Variants in PLS3 observed in about 807,000 individuals in gnomAD.
PLS3 encodes the protein plastin-3.
Under a neutral mutation model 46.5 loss-of-function variants are expected in PLS3, and 11 were observed. The observed-to-expected ratio is 0.24, with a 90% CI of 0.15 to 0.39. PLS3 has a LOEUF of 0.39. PLS3 is among the 10% of genes least tolerant of loss of function. The probability of loss-of-function intolerance (pLI) is 1.00; values close to 1 mark genes in which losing one functional copy is unlikely to be tolerated. For synonymous variants in PLS3, 167 were observed against 162.2 expected (o/e 1.03, Z -0.22); for missense variants, 308 against 461.8 (o/e 0.67, Z 3.05).
intron 9 of PLS3, among the ~76,000 whole-genome samples, chrX:115,641,368 C>T (rs1449459608): frequency 9.3e-6 from 1 of 107,504 alleles, no homozygotes; most frequent in Non-Finnish European, 1.9e-5. Flanking sequence ...GCTGCGATTA[C>T]AGGCGCCCAC....
At chrX:115,644,969 A>G in intron 10 of PLS3, 52 bp from the exon 11 acceptor site, 1 of 737,350 alleles carries the variant, frequency 1.4e-6, no homozygotes, top group Non-Finnish European at 2.1e-6. Context: ...CACTATATGC[A>G]CATACATAAA....
At chrX:115,601,988 G>A (rs781891538) in intron 1 of PLS3, among the ~76,000 whole-genome samples, 1 of 111,895 alleles carries the variant, frequency 8.9e-6, no homozygotes, top group African/African-American at 3.2e-5. Flanking sequence ...GCTGCTGCGA[G>A]TGTGTCTGTC....
intron 3 of PLS3, among the ~76,000 whole-genome samples, chrX:115,625,094 A>T: frequency 8.9e-6 from 1 of 111,918 alleles, no homozygotes; most frequent in Non-Finnish European, 1.9e-5. Context: ...TCAGTGAAAC[A>T]TCTTACAAAT....
intron 2 of PLS3, among the ~76,000 whole-genome samples, chrX:115,611,311 A>T (rs1405993640): frequency 8.9e-6 from 1 of 112,947 alleles, no homozygotes; most frequent in Non-Finnish European, 1.9e-5. Flanking sequence ...ACTAGAAAAA[A>T]CTGAATATTC....
chrX:115,610,821 G>A (rs1245022674), intron 2 of PLS3: 1 of 1,053,784 alleles, frequency 9.5e-7, no homozygotes, highest in Non-Finnish European at 1.2e-6. Context: ...ACCTCGCCAC[G>A]TTAAATTATA....
chrX:115,571,038 G>A (rs782702896), intron 1 of PLS3, among the ~76,000 whole-genome samples: 1 of 109,228 alleles, frequency 9.2e-6, no homozygotes, highest in South Asian at 4.1e-4. Context: ...GGGACTACAG[G>A]TGCCCACCAC....
At chrX:115,599,243 G>A (rs2074416973) in intron 1 of PLS3, among the ~76,000 whole-genome samples, 1 of 104,667 alleles carries the variant, frequency 9.6e-6, no homozygotes, top group Admixed American at 1.1e-4. Flanking sequence ...GCTCAAGCCT[G>A]TAATCCCAGC....
chrX:115,561,281 G>T (rs1407460175), intron 1 of PLS3, 21 bp downstream of exon 1: 1 of 111,691 alleles, frequency 9.0e-6, no homozygotes. Flanking sequence ...TGTAGGCGCC[G>T]GCGGGCACTA....
intron 1 of PLS3, among the ~76,000 whole-genome samples, chrX:115,589,063 G>A (rs1556632769): frequency 9.0e-6 from 1 of 111,225 alleles, no homozygotes; most frequent in Admixed American, 9.6e-5. Flanking sequence ...CACCTCCTGG[G>A]CTCAAGCTAT....
At chrX:115,623,935 A>T (rs1226661299) in intron 3 of PLS3, among the ~76,000 whole-genome samples, 1 of 112,440 alleles carries the variant, frequency 8.9e-6, no homozygotes, top group Non-Finnish European at 1.9e-5. Context: ...TGTTTTTAAA[A>T]TGCACACTTG....
At position 115,601,400 on chromosome X, in the gene PLS3, A is replaced by G. The variant is rs966071364; in HGVS notation, c.-8-8843A>G. 4.6e-5 allele frequency among the ~76,000 whole-genome samples: 5 copies of G among 107,928 alleles called. No homozygotes were observed. The Admixed American group carries it at 5.0e-4, about 11-fold the overall frequency. The allele number at this position is 107,928 out of a possible 115,157, so 93.7% of individuals were successfully genotyped here. On this transcript the variant is annotated intron_variant, in intron 1 of 15. Coordinates refer to ENST00000355899, the MANE Select transcript of PLS3 (RefSeq NM_005032.7). ...TATAAGATCCGCTCTTCAGGAGATT[A>G]TCAGGAGATTAGCAGTGTAAAGATT...
chrX:115,630,861 T>TATGTA (rs1569528508), intron 5 of PLS3, among the ~76,000 whole-genome samples: 1 of 79,399 alleles, frequency 1.3e-5, no homozygotes, highest in African/African-American at 6.9e-5. Context: ...TATATGTATA[T>TATGTA]TATACATGTA....
At chrX:115,612,635 T>A (rs1321853095) in intron 2 of PLS3, among the ~76,000 whole-genome samples, 3 of 111,639 alleles carry the variant, frequency 2.7e-5, no homozygotes, top group Non-Finnish European at 5.7e-5. Context: ...TTAACAATAA[T>A]AGCCTTGATT....
At chrX:115,589,367 A>G (rs781836851) in intron 1 of PLS3, among the ~76,000 whole-genome samples, 1 of 112,095 alleles carries the variant, frequency 8.9e-6, no homozygotes, top group Non-Finnish European at 1.9e-5. Context: ...TGACACATCC[A>G]TGCAACAAGT....
chrX:115,621,951 C>A (rs782393131), intron 2 of PLS3: 254 of 202,608 alleles, frequency 1.3e-3, no homozygotes, highest in Middle Eastern at 1.6e-3. Context: ...TTTTAAAATC[C>A]TATTAGCGCC....
intron 2 of PLS3, among the ~76,000 whole-genome samples, chrX:115,617,484 A>G (rs187255250): frequency 2.5e-3 from 285 of 112,362 alleles, no homozygotes; most frequent in African/African-American, 7.6e-3. Flanking sequence ...TGTTTCTAAA[A>G]TGCTCATCTA....
chrX:115,591,125 C>T (rs2074342637), intron 1 of PLS3, among the ~76,000 whole-genome samples: 1 of 111,576 alleles, frequency 9.0e-6, no homozygotes, highest in South Asian at 3.7e-4. Flanking sequence ...GGTGACAGAG[C>T]GAGACTCCGT....
intron 1 of PLS3, among the ~76,000 whole-genome samples, chrX:115,568,295 A>G (rs1569525810): frequency 8.9e-6 from 1 of 111,958 alleles, no homozygotes. Context: ...TGTAGTGTGT[A>G]CTTTAAAGAT....
chrX:115,602,691 T>C (rs139118499), intron 1 of PLS3, among the ~76,000 whole-genome samples: 38 of 111,565 alleles, frequency 3.4e-4, no homozygotes, highest in African/African-American at 7.2e-4. Context: ...ATTTCTTCCA[T>C]GTTTTGTCCC....
Sources: allele counts gnomAD v4.1 joint callset (sites outside exome capture counted in the v4.1 genomes callset), GRCh38; gene constraint gnomAD v4.1.1; transcripts MANE v1.5; gene names NCBI Gene and HGNC (gene_info 2026-07-23, HGNC 2026-07-21).